The following SEMA3A variants were observed in gnomAD, a reference collection of about 807,000 sequenced individuals.
The protein encoded by SEMA3A is semaphorin-3A.
SEMA3A carries 29 observed loss-of-function variants against 97.9 expected under a neutral mutation model. The observed-to-expected ratio is 0.30, with a 90% CI of 0.22 to 0.40. SEMA3A has a LOEUF of 0.40. SEMA3A is among the 10% of genes least tolerant of loss of function. The pLI is 1.00. For missense variants in SEMA3A, 763 were observed against 951.3 expected (o/e 0.80, Z 2.60); for synonymous variants, 321 against 323.7 (o/e 0.99, Z 0.09).
chr7:84,458,909 T>C (rs1034395077), intron 1 of SEMA3A, among the ~76,000 whole-genome samples: 1 of 151,864 alleles, frequency 6.6e-6, no homozygotes, highest in Admixed American at 6.6e-5. Flanking sequence ...TTATTCCTTT[T>C]ATTTAACCAT....
intron 3 of SEMA3A, among the ~76,000 whole-genome samples, chr7:84,276,113 T>G (rs1365702948): frequency 1.3e-5 from 2 of 152,088 alleles, no homozygotes; most frequent in African/African-American, 4.8e-5. Flanking sequence ...ATATGTTACT[T>G]GATATTTACC....
intron 2 of SEMA3A, among the ~76,000 whole-genome samples, chr7:84,348,135 A>G (rs947450842): frequency 6.6e-6 from 1 of 152,198 alleles, no homozygotes; most frequent in Non-Finnish European, 1.5e-5. Context: ...AAAAAAGTCA[A>G]TAAAAAATGC....
chr7:84,209,747 T>C (rs1466875303), intron 3 of SEMA3A, among the ~76,000 whole-genome samples: 5 of 152,208 alleles, frequency 3.3e-5, no homozygotes, highest in African/African-American at 1.2e-4. Flanking sequence ...CCATTCAAAC[T>C]ATTCAACAAT....
chr7:84,310,547 A>G (rs1469565758), intron 2 of SEMA3A, among the ~76,000 whole-genome samples: 6 of 152,074 alleles, frequency 3.9e-5, no homozygotes, highest in Admixed American at 3.9e-4. Context: ...TCTTTATCTT[A>G]TCTATTTCTT....
Position 84,173,905 on chromosome 7 carries a change from G to A in SEMA3A, c.112+20570C>T, listed in dbSNP as rs368375264. ...CAGAACCCTATTGTGAACTGCACAT[G>A]TGAGGGACCTAGGTTGCATGCTCCT... On this transcript the variant is annotated intron_variant, in intron 1 of 16. Coordinates refer to ENST00000265362, the MANE Select transcript of SEMA3A (RefSeq NM_006080.3). 3.9e-4 allele frequency among the ~76,000 whole-genome samples: 59 copies of A among 152,290 alleles called. 1 individual carries two copies. The highest frequency in any genetic ancestry group is 1.4e-3 in the African/African-American group (57 of 41,568).
rs891768732 is a variant in SEMA3A at position 84,276,268 on chromosome 7, C to T, written c.-83+30939G>A. 6.6e-5 allele frequency among the ~76,000 whole-genome samples: 10 copies of T among 152,034 alleles called. No homozygotes were observed. In the East Asian group the frequency reaches 7.7e-4, roughly 12 times the overall value. ...CATGAACAAAGTCTCATTGAACATA[C>T]GAGCTCTAATTCTTCTCATTTCATA... On this transcript the variant is annotated intron_variant, in intron 3 of 3. Transcript: ENST00000424555.
chr7:84,047,565 C>G (rs1250746530), intron 5 of SEMA3A, among the ~76,000 whole-genome samples: 1 of 151,950 alleles, frequency 6.6e-6, no homozygotes, highest in Admixed American at 6.6e-5. Flanking sequence ...TTCTTGGAAA[C>G]AGAAAGGACC....
chr7:84,015,634 G>T (rs1008804534), intron 6 of SEMA3A, among the ~76,000 whole-genome samples: 2 of 152,122 alleles, frequency 1.3e-5, no homozygotes, highest in African/African-American at 4.8e-5. Flanking sequence ...TACACGTACA[G>T]GTCAGCACCA....
chr7:84,490,332 G>A (rs544566959), intron 1 of SEMA3A, among the ~76,000 whole-genome samples: 12 of 151,528 alleles, frequency 7.9e-5, no homozygotes, highest in Middle Eastern at 6.8e-3. Flanking sequence ...ATGATTTTTC[G>A]CCATTAGTGA....
intron 2 of SEMA3A, among the ~76,000 whole-genome samples, chr7:84,325,409 A>AGGTC (rs2115926965): frequency 6.6e-6 from 1 of 152,208 alleles, no homozygotes; most frequent in Admixed American, 6.5e-5. Flanking sequence ...TTCTCTGGAA[A>AGGTC]GGTCACATTT....
At chr7:84,150,287 G>A (rs1440154729) in intron 1 of SEMA3A, among the ~76,000 whole-genome samples, 1 of 152,188 alleles carries the variant, frequency 6.6e-6, no homozygotes, top group Non-Finnish European at 1.5e-5. Flanking sequence ...CAGCGTGAGC[G>A]ACGCAGAAGA....
intron 3 of SEMA3A, among the ~76,000 whole-genome samples, chr7:84,223,377 C>T (rs1441937271): frequency 6.6e-6 from 1 of 151,776 alleles, no homozygotes; most frequent in African/African-American, 2.4e-5. Flanking sequence ...ATTTGCCCAA[C>T]ACATTACATT....
chr7:84,262,343 T>C (rs1799877817), intron 3 of SEMA3A, among the ~76,000 whole-genome samples: 1 of 152,172 alleles, frequency 6.6e-6, no homozygotes, highest in Non-Finnish European at 1.5e-5. Flanking sequence ...GCCTCTCAAG[T>C]AGCTGGGATT....
At chr7:84,079,510 AAAAC>A (rs1266005880) in intron 4 of SEMA3A, among the ~76,000 whole-genome samples, 4 of 151,998 alleles carry the variant, frequency 2.6e-5, no homozygotes, top group Non-Finnish European at 5.9e-5. Flanking sequence ...TTACAAGAAA[AAAAC>A]AAACAACCCC....
At chr7:84,280,266 A>G (rs987278034) in intron 3 of SEMA3A, among the ~76,000 whole-genome samples, 16 of 152,114 alleles carry the variant, frequency 1.1e-4, no homozygotes, top group Admixed American at 2.0e-4. Context: ...TACTCTTTCT[A>G]TATGTCCACA....
intron 12 of SEMA3A, among the ~76,000 whole-genome samples, chr7:83,989,707 C>T (rs1253997689): frequency 3.8e-4 from 52 of 136,082 alleles, no homozygotes; most frequent in Non-Finnish European, 1.1e-4. Context: ...TTTCTTAATC[C>T]AGTCTATCAT....
At chr7:84,439,222 G>C (rs1035254175) in intron 1 of SEMA3A, among the ~76,000 whole-genome samples, 1 of 151,770 alleles carries the variant, frequency 6.6e-6, no homozygotes, top group African/African-American at 2.4e-5. Flanking sequence ...TTAGAACATA[G>C]GTAAGAATTT....
chr7:84,245,547 G>T (rs1799458234), intron 3 of SEMA3A, among the ~76,000 whole-genome samples: 1 of 151,428 alleles, frequency 6.6e-6, no homozygotes, highest in Non-Finnish European at 1.5e-5. Context: ...TGCTTCTTTA[G>T]CTCAGAGGAG....
intron 1 of SEMA3A, among the ~76,000 whole-genome samples, chr7:84,164,515 T>C (rs1797141494): frequency 6.6e-6 from 1 of 152,156 alleles, no homozygotes; most frequent in African/African-American, 2.4e-5. Flanking sequence ...TCTTGTATAT[T>C]TGTGATGACA....
Sources: gnomAD v4.1 joint callset for allele counts (sites outside exome capture counted in the v4.1 genomes callset) on GRCh38, gnomAD v4.1.1 for gene constraint, MANE v1.5 for transcripts, NCBI Gene and HGNC (gene_info 2026-07-23, HGNC 2026-07-21) for gene names.